Variants in RAB3GAP1 observed in about 807,000 individuals in gnomAD.
RAB3GAP1 encodes rab3 GTPase-activating protein catalytic subunit.
Under a neutral mutation model 130.7 loss-of-function variants are expected in RAB3GAP1, and 86 were observed. The ratio of observed to expected loss-of-function variants is 0.66; its 90% confidence interval spans 0.55 to 0.79. The LOEUF (loss-of-function observed/expected upper bound fraction) is 0.79, where lower values mean the gene tolerates loss of function less well. RAB3GAP1 is among the 30% of genes least tolerant of loss of function. The pLI is 0.00. For synonymous variants in RAB3GAP1, 367 were observed against 401.7 expected, an observed-to-expected ratio of 0.91 and a Z score of 1.03; for missense variants, 1,029 against 1,169.4, an observed-to-expected ratio of 0.88 and a Z score of 1.75.
chr2:135,090,998 G>A lies in RAB3GAP1; in HGVS notation c.151G>A (p.Gly51Ser). 2 of 1,611,320 alleles carry A rather than the reference G, an allele frequency of 1.2e-6. No homozygotes were observed. The highest frequency in any genetic ancestry group is 1.7e-6 in the Non-Finnish European group (2 of 1,177,896). The change falls in exon 4 of 24, where the codon GGT becomes AGT. Residue 51 changes from glycine (G) to serine (S), a missense_variant and splice_region_variant. Around this residue, in one of 3 missense-constraint regions of RAB3GAP1, gnomAD observed 510 missense variants for 532.1 expected, o/e 0.96. Coordinates refer to ENST00000264158, the MANE Select transcript of RAB3GAP1 (RefSeq NM_012233.3). ...GNSLGKPLEKGIFTSGTWEEK... is the reference protein window; with the variant it reads ...GNSLGKPLEKSIFTSGTWEEK... ...TTTGCCATTTTATTGGTACATATAG[G>A]GTATATTTACTTCTGGCACATGGGA...
At chr2:135,170,820 G>A (rs568444656), downstream of RAB3GAP1, 1 of 152,298 alleles carries the variant, frequency 6.6e-6, no homozygotes, top group South Asian at 2.1e-4. Flanking sequence ...GAAAGCATGG[G>A]GGGCGTATGG....
intron 5 of RAB3GAP1, among the ~76,000 whole-genome samples, chr2:135,110,792 G>T (rs1690780494): frequency 6.6e-6 from 1 of 152,166 alleles, no homozygotes; most frequent in South Asian, 2.1e-4. Context: ...TTGTACTTTT[G>T]AAAAGAAGCT....
chr2:135,117,483 G>GCTTCTTCTT (rs1367442367), intron 7 of RAB3GAP1, among the ~76,000 whole-genome samples: 1 of 27,846 alleles, frequency 3.6e-5, no homozygotes, highest in African/African-American at 1.2e-4. Context: ...TGCTTCTTCT[G>GCTTCTTCTT]CTTCTTCTTC....
rs543552263 is a variant in RAB3GAP1 at position 135,066,402 on chromosome 2, C to T, written c.150+8316C>T. Reference sequence around the variant, plus strand: ...TCATGCACTATAGTTGGGACTGTGTCTGTTAACTTAATCCTTAAACAGACT... The same window carrying T: ...TCATGCACTATAGTTGGGACTGTGTTTGTTAACTTAATCCTTAAACAGACT... On this transcript the variant is annotated intron_variant, in intron 3 of 23. Transcript: ENST00000264158. Among the ~76,000 whole-genome samples the T allele has an allele frequency of 2.0e-5, 3 of 152,332 alleles. No homozygotes were observed. The South Asian group carries it at 6.2e-4, about 32-fold the overall frequency.
intron 7 of RAB3GAP1, among the ~76,000 whole-genome samples, chr2:135,117,573 T>G (rs879040085): frequency 5.7e-4 from 40 of 70,340 alleles, no homozygotes; most frequent in African/African-American, 2.1e-3. Flanking sequence ...TTCTTCTGCT[T>G]CTTCTTCTGC....
chr2:135,115,151 A>T, intron 6 of RAB3GAP1, 65 bp from the exon 7 acceptor site: 3 of 1,466,810 alleles, frequency 2.0e-6, no homozygotes, highest in Non-Finnish European at 2.8e-6. Context: ...TTTGGAAAAA[A>T]TTTGAGGTTC....
At chr2:135,146,184 A>C (rs954139113) in intron 17 of RAB3GAP1, among the ~76,000 whole-genome samples, 10 of 150,324 alleles carry the variant, frequency 6.7e-5, no homozygotes, top group Admixed American at 3.3e-4. Context: ...CCAAGTGTAT[A>C]AGTGCATATT....
At chr2:135,105,065 G>GA (rs1361147159) in intron 5 of RAB3GAP1, among the ~76,000 whole-genome samples, 1 of 152,268 alleles carries the variant, frequency 6.6e-6, no homozygotes, top group Non-Finnish European at 1.5e-5. Flanking sequence ...AAAGTTTGGA[G>GA]AAAAAACAGA....
At chr2:135,084,573 G>T (rs1019049243) in intron 3 of RAB3GAP1, among the ~76,000 whole-genome samples, 5 of 152,132 alleles carry the variant, frequency 3.3e-5, no homozygotes, top group East Asian at 1.9e-4. Flanking sequence ...GGATGGGGTT[G>T]TTTGCTATTT....
chr2:135,064,274 T>A (rs1225892480), intron 3 of RAB3GAP1, among the ~76,000 whole-genome samples: 1 of 152,116 alleles, frequency 6.6e-6, no homozygotes, highest in African/African-American at 2.4e-5. Context: ...ATCTTCAAAA[T>A]TTTTTTGCCC....
intron 23 of RAB3GAP1, chr2:135,167,698 T>C: frequency 6.7e-7 from 1 of 1,494,056 alleles, no homozygotes; most frequent in Non-Finnish European, 9.0e-7. Context: ...TCAAGCTGAC[T>C]GAATCTTCTG....
At chr2:135,172,169 C>T (rs2105013153), downstream of RAB3GAP1, among the ~76,000 whole-genome samples, 1 of 152,148 alleles carries the variant, frequency 6.6e-6, no homozygotes, top group African/African-American at 2.4e-5. Flanking sequence ...GTGGCTCGTG[C>T]CTGTAATCCC....
Position 135,169,840 on chromosome 2 carries a change from C to T in RAB3GAP1, c.*1059C>T, listed in dbSNP as rs1043828170. 4.6e-6 allele frequency: 2 copies of T among 434,026 alleles called. No individual in the cohort carries two copies. Among genetic ancestry groups the T allele is most frequent in the Non-Finnish European group, 9.3e-6 (2 of 215,124 alleles). 26.9% of individuals were successfully genotyped at this position (434,026 alleles called of 1,614,324 possible). A position where few individuals can be genotyped will look rare whatever the true frequency, so the allele number is the denominator to read the frequency against. On this transcript the variant is annotated 3_prime_UTR_variant, in exon 24 of 24. Transcript: ENST00000264158. The stretch of plus-strand genomic sequence containing the variant: ...TCTTGTGTCTGTGTGGCTAGATGGC[C>T]TCTGCTTGGTAATCTTATTTTTAGG...
At chr2:135,115,667 T>C (rs1690949029) in intron 7 of RAB3GAP1, among the ~76,000 whole-genome samples, 1 of 152,220 alleles carries the variant, frequency 6.6e-6, no homozygotes, top group Admixed American at 6.5e-5. Context: ...TTGTCCTCTA[T>C]TGGTAATATT....
chr2:135,112,985 T>G (rs1690858544), intron 5 of RAB3GAP1, among the ~76,000 whole-genome samples, 166 bp from the exon 6 acceptor site: 1 of 152,194 alleles, frequency 6.6e-6, no homozygotes, highest in Non-Finnish European at 1.5e-5. Context: ...TGGAAGTGCT[T>G]CTTAAAGTTG....
chr2:135,108,179 G>T (rs568734463), intron 5 of RAB3GAP1, among the ~76,000 whole-genome samples: 2 of 152,122 alleles, frequency 1.3e-5, no homozygotes, highest in African/African-American at 4.8e-5. Flanking sequence ...TCATTTGGAG[G>T]ATGGGATGCT....
chr2:135,088,175 C>T (rs1690040392), intron 3 of RAB3GAP1, among the ~76,000 whole-genome samples: 1 of 152,172 alleles, frequency 6.6e-6, no homozygotes, highest in Non-Finnish European at 1.5e-5. Flanking sequence ...AAAAGATTTA[C>T]TGCAAACTTG....
intron 16 of RAB3GAP1, 82 bp downstream of exon 16, chr2:135,135,401 A>G (rs183780630): frequency 1.4e-6 from 2 of 1,469,690 alleles, no homozygotes; most frequent in Admixed American, 1.7e-5. Context: ...AATGGGTTAC[A>G]TGCTGTTCTC....
chr2:135,153,769 C>T lies in RAB3GAP1; in HGVS notation c.2182C>T (p.Arg728Trp), dbSNP rs754107133. The change falls in exon 19 of 24, where the codon CGG (arginine) becomes TGG (tryptophan). Residue 728 changes from arginine (R) to tryptophan (W), a missense_variant. Physicochemically the swap from Arg to Trp is moderately radical, Grantham distance 101. Transcript: ENST00000264158. ...GGTGCTGAAAGGAGAACTGAGTGCC[C>T]GGATGAAGATTCCAAGCAATATGTG... Reference protein sequence around the residue: ...NVVLKGELSARMKIPSNMWVE... With the variant: ...NVVLKGELSAWMKIPSNMWVE... 2 of 1,613,730 alleles carry T rather than the reference C, an allele frequency of 1.2e-6. No homozygotes were observed.
Sources: gnomAD v4.1 joint callset for allele counts (sites outside exome capture counted in the v4.1 genomes callset) on GRCh38, gnomAD v4.1.1 for gene constraint, gnomAD v4.1.1 regional missense constraint, MANE v1.5 for transcripts, NCBI Gene and HGNC (gene_info 2026-07-23, HGNC 2026-07-21) for gene names.